Variants in MEGF10 observed in about 807,000 individuals in gnomAD.
MEGF10 encodes multiple EGF like domains 10.
In MEGF10, 86 loss-of-function variants were observed where a neutral mutation model predicts 147.5. The observed-to-expected ratio is 0.58, with a 90% confidence interval of 0.49 to 0.70. The LOEUF is 0.70. Among genes scored for constraint, MEGF10 ranks in the 30% least tolerant of loss-of-function variants. The pLI is 0.00. For synonymous variants in MEGF10, 478 were observed against 525.5 expected (o/e 0.91, Z 1.24); for missense variants, 1,329 against 1,487.3 (o/e 0.89, Z 1.75).
At chr5:127,274,905 A>G in the MEGF10 span, among the ~76,000 whole-genome samples, 1 of 152,146 alleles carries the variant, frequency 6.6e-6, no homozygotes, top group Non-Finnish European at 1.5e-5. Flanking sequence ...TTAGGGATCC[A>G]TATCCCTCTC....
rs527643575 is a variant in MEGF10, at chr5:127,450,474, C to G, written c.2980+1252C>G. Among the ~76,000 whole-genome samples, 27 of 152,252 alleles carry G rather than the reference C, an allele frequency of 1.8e-4. 2 individuals carry two copies. Among genetic ancestry groups the G allele is most frequent in the African/African-American group, 6.0e-4 (25 of 41,552 alleles). On this transcript the variant is annotated intron_variant, in intron 22 of 24. Coordinates refer to ENST00000503335, the MANE Select transcript of MEGF10 (RefSeq NM_001256545.2). ...TTAATTATGCAGTGCAGTTTCCAAG[C>G]CTGTAACCCATATTTTCAGACAGGA...
the MEGF10 span, among the ~76,000 whole-genome samples, chr5:127,262,227 G>A: frequency 6.6e-6 from 1 of 152,026 alleles, no homozygotes; most frequent in South Asian, 2.1e-4. Flanking sequence ...TATCTTCTAA[G>A]AATTTTACAG....
At chr5:127,385,663 T>G (rs572398015) in intron 5 of MEGF10, among the ~76,000 whole-genome samples, 1 of 152,374 alleles carries the variant, frequency 6.6e-6, no homozygotes, top group African/African-American at 2.4e-5. Flanking sequence ...CGGACATCTC[T>G]TTCCCTATGA....
At chr5:127,406,376 A>G (rs1473672994) in intron 8 of MEGF10, among the ~76,000 whole-genome samples, 1 of 152,202 alleles carries the variant, frequency 6.6e-6, no homozygotes, top group East Asian at 1.9e-4. Flanking sequence ...AGCCAGTGAC[A>G]TGATTCCTGT....
chr5:127,442,484 C>A (rs1416138403), intron 18 of MEGF10, among the ~76,000 whole-genome samples: 2 of 152,162 alleles, frequency 1.3e-5, no homozygotes, highest in Non-Finnish European at 2.9e-5. Flanking sequence ...GAAGTTCTTA[C>A]CTAGAAAATC....
intron 8 of MEGF10, among the ~76,000 whole-genome samples, chr5:127,404,280 A>G (rs1561624566): frequency 2.0e-5 from 3 of 152,064 alleles, no homozygotes; most frequent in African/African-American, 7.2e-5. Context: ...AGAAATGTCT[A>G]TTCAAATCTT....
intron 7 of MEGF10, among the ~76,000 whole-genome samples, chr5:127,399,357 A>C (rs1430418336): frequency 1.3e-5 from 2 of 152,230 alleles, no homozygotes; most frequent in Admixed American, 6.5e-5. Flanking sequence ...CCCTTTCTTC[A>C]TGTAGCAATT....
chr5:127,363,463 A>C (rs1561595473), intron 4 of MEGF10, among the ~76,000 whole-genome samples: 1 of 152,168 alleles, frequency 6.6e-6, no homozygotes, highest in Non-Finnish European at 1.5e-5. Flanking sequence ...CCATGTCTTC[A>C]CACCGGGCAG....
the MEGF10 span, among the ~76,000 whole-genome samples, chr5:127,267,791 T>C: frequency 9.9e-5 from 15 of 152,144 alleles, no homozygotes; most frequent in Non-Finnish European, 4.4e-5. Context: ...TTTTTTATTA[T>C]GTCTATTTGA....
At chr5:127,435,616 T>C in intron 16 of MEGF10, 127 bp downstream of exon 16, 1 of 940,118 alleles carries the variant, frequency 1.1e-6, no homozygotes, top group Non-Finnish European at 1.5e-6. Context: ...AGACACATTC[T>C]ACTTTAAATT....
At chr5:127,378,099 G>A (rs1400559742) in intron 5 of MEGF10, among the ~76,000 whole-genome samples, 2 of 152,124 alleles carry the variant, frequency 1.3e-5, no homozygotes, top group Non-Finnish European at 2.9e-5. Flanking sequence ...TTCAGGAGGG[G>A]CAAAGAACTA....
intron 1 of MEGF10, among the ~76,000 whole-genome samples, chr5:127,326,665 G>A (rs1761048194): frequency 6.6e-6 from 1 of 152,188 alleles, no homozygotes; most frequent in South Asian, 2.1e-4. Context: ...GAGGAACAGT[G>A]AGTACATCCT....
chr5:127,274,536 T>G, the MEGF10 span, among the ~76,000 whole-genome samples: 1 of 152,092 alleles, frequency 6.6e-6, no homozygotes, highest in African/African-American at 2.4e-5. Flanking sequence ...TATGCCGTAA[T>G]TGTGAAATGT....
the MEGF10 span, among the ~76,000 whole-genome samples, chr5:127,264,950 G>T: frequency 6.6e-6 from 1 of 151,774 alleles, no homozygotes; most frequent in Admixed American, 6.6e-5. Flanking sequence ...TAAGTTCTAG[G>T]GTACATGTGC....
chr5:127,288,230 C>G (rs977843508), upstream of MEGF10, among the ~76,000 whole-genome samples: 1 of 151,956 alleles, frequency 6.6e-6, no homozygotes, highest in Non-Finnish European at 1.5e-5. Context: ...CACACACACA[C>G]AAAAACACGC....
rs571611915 is a variant in MEGF10, at chr5:127,460,998, C to G, written c.*3680C>G. ...TGCTTATGCTAGTTCAGTATTTGGT[C>G]TAGGCTTCATTTTGATATGACTGAA... On this transcript the variant is annotated 3_prime_UTR_variant, in exon 25 of 25. Transcript: ENST00000503335. 1.3e-5 allele frequency: 2 copies of G among 152,220 alleles called. No homozygotes were observed. The highest frequency in any genetic ancestry group is 2.4e-5 in the African/African-American group (1 of 41,538). The allele number at this position is 152,220 out of a possible 1,614,324, so 9.4% of individuals were successfully genotyped here.
intron 17 of MEGF10, 27 bp from the exon 18 acceptor site, chr5:127,440,712 C>T: frequency 1.2e-6 from 2 of 1,611,852 alleles, no homozygotes; most frequent in Non-Finnish European, 8.5e-7. Context: ...AGCCTCTTGA[C>T]TCCTACTGTC....
chr5:127,408,987 G>A (rs889614108), intron 8 of MEGF10, among the ~76,000 whole-genome samples: 1 of 152,106 alleles, frequency 6.6e-6, no homozygotes, highest in African/African-American at 2.4e-5. Context: ...AGAGGTGGGA[G>A]GGTCAATTGA....
chr5:127,249,458 G>A, the MEGF10 span, among the ~76,000 whole-genome samples: 1 of 151,734 alleles, frequency 6.6e-6, no homozygotes, highest in Non-Finnish European at 1.5e-5. Context: ...ATTTAAGAAG[G>A]TAGAAAAGGA....
Sources: gnomAD v4.1 joint callset for allele counts (sites outside exome capture counted in the v4.1 genomes callset) on GRCh38, gnomAD v4.1.1 for gene constraint, MANE v1.5 for transcripts, NCBI Gene and HGNC (gene_info 2026-07-23, HGNC 2026-07-21) for gene names.